CGNL1: variants seen among roughly 807,000 people sequenced by gnomAD.
The protein encoded by CGNL1 is cingulin like 1, also known as cingulin-like protein 1.
CGNL1 carries 132 observed loss-of-function variants against 141.2 expected under a neutral mutation model. The ratio of observed to expected loss-of-function variants is 0.93; its 90% CI spans 0.81 to 1.08. The LOEUF (loss-of-function observed/expected upper bound fraction) is 1.08, where lower values mean the gene tolerates loss of function less well. Ranked by LOEUF, CGNL1 falls within the 50% of genes least tolerant of loss-of-function variation. The pLI is 0.00. For missense variants in CGNL1, 1,870 were observed against 1,588.6 expected (o/e 1.18, Z -3.01); for synonymous variants, 690 against 622.1 (o/e 1.11, Z -1.63).
intron 4 of CGNL1, among the ~76,000 whole-genome samples, chr15:57,448,356 T>TA (rs201732295): frequency 8.0e-5 from 12 of 149,548 alleles, no homozygotes; most frequent in Non-Finnish European, 7.4e-5. Flanking sequence ...GGAACTTGAT[T>TA]AAAAAAAAAG....
At position 57,389,380 on chromosome 15, in the gene CGNL1, A is replaced by G. The variant is rs116168213; in HGVS notation, c.-16+12813A>G. Among the ~76,000 whole-genome samples, 663 of 152,382 alleles carry G rather than the reference A, an allele frequency of 4.4e-3. 1 individual carries two copies. Among genetic ancestry groups the G allele is most frequent in the African/African-American group, 0.015 (613 of 41,586 alleles). Reference sequence around the variant, plus strand: ...ATTTGTAGAAAAAGTAGATTCTGCTATCAACAAATGTAAGAGTTCACTTAA... The same window carrying G: ...ATTTGTAGAAAAAGTAGATTCTGCTGTCAACAAATGTAAGAGTTCACTTAA... On this transcript the variant is annotated intron_variant, in intron 1 of 18. Coordinates refer to ENST00000281282, the MANE Select transcript of CGNL1 (RefSeq NM_032866.5).
chr15:57,415,148 T>C (rs551222393), intron 1 of CGNL1, among the ~76,000 whole-genome samples: 1 of 152,282 alleles, frequency 6.6e-6, no homozygotes, highest in South Asian at 2.1e-4. Context: ...TTTAAGTCCT[T>C]TTTCTTTTCT....
At chr15:57,483,039 G>A (rs1327589691) in intron 8 of CGNL1, among the ~76,000 whole-genome samples, 2 of 152,228 alleles carry the variant, frequency 1.3e-5, no homozygotes, top group South Asian at 2.1e-4. Context: ...CGCCCACCGC[G>A]GCCTCCTAAA....
At chr15:57,536,308 G>A (rs919221649) in intron 14 of CGNL1, among the ~76,000 whole-genome samples, 2 of 152,292 alleles carry the variant, frequency 1.3e-5, no homozygotes, top group South Asian at 4.2e-4. Context: ...TGAGATTTGG[G>A]TGAGGACACA....
At chr15:57,455,942 A>G (rs1305908871) in intron 7 of CGNL1, among the ~76,000 whole-genome samples, 1 of 152,184 alleles carries the variant, frequency 6.6e-6, no homozygotes, top group Non-Finnish European at 1.5e-5. Flanking sequence ...TCTCTTTCCC[A>G]CAACAGGAAC....
intron 8 of CGNL1, among the ~76,000 whole-genome samples, chr15:57,483,952 C>A (rs1355204165): frequency 1.4e-4 from 22 of 152,142 alleles, no homozygotes; most frequent in Admixed American, 6.5e-5. Flanking sequence ...TTCACTTGAT[C>A]CTACTGTATA....
chr15:57,524,540 A>AGCATCCCAGGGTGGGCTCACACCCGT, intron 11 of CGNL1, 41 bp from the exon 12 acceptor site: 1 of 1,561,582 alleles, frequency 6.4e-7, no homozygotes, highest in Non-Finnish European at 8.7e-7. Context: ...CTGGTCTCAG[A>AGCATCCCAGGGTGGGCTCACACCCGT]GCATCCCAGG....
At chr15:57,422,721 T>G (rs2062929532) in intron 1 of CGNL1, among the ~76,000 whole-genome samples, 1 of 152,174 alleles carries the variant, frequency 6.6e-6, no homozygotes, top group South Asian at 2.1e-4. Flanking sequence ...TGTTGTGAGA[T>G]AGTAAGGCGA....
intron 8 of CGNL1, among the ~76,000 whole-genome samples, chr15:57,504,343 A>G (rs952623345): frequency 6.6e-6 from 1 of 152,220 alleles, no homozygotes; most frequent in African/African-American, 2.4e-5. Flanking sequence ...CGGCTGAGCC[A>G]GGATTTAAAC....
chr15:57,543,088 CAG>C (rs1178282047), intron 14 of CGNL1, among the ~76,000 whole-genome samples: 1 of 152,152 alleles, frequency 6.6e-6, no homozygotes, highest in Non-Finnish European at 1.5e-5. Flanking sequence ...AATCTGAAAT[CAG>C]AGTGTTACCA....
chr15:57,463,119 T>G (rs113665274), intron 8 of CGNL1, among the ~76,000 whole-genome samples: 5,388 of 152,212 alleles, frequency 0.035, 284 homozygotes, highest in African/African-American at 0.12. Context: ...AAACTTGACT[T>G]AATGTGGTGT....
At chr15:57,471,322 G>C (rs1368197086) in intron 8 of CGNL1, among the ~76,000 whole-genome samples, 1 of 152,206 alleles carries the variant, frequency 6.6e-6, no homozygotes, top group Non-Finnish European at 1.5e-5. Flanking sequence ...TCACAGTGCA[G>C]GAAGAACTGA....
chr15:57,442,181 T>TAAAAAAAAA (rs1567120591), intron 3 of CGNL1, among the ~76,000 whole-genome samples, 192 bp from the exon 4 acceptor site: 5 of 20,588 alleles, frequency 2.4e-4, no homozygotes, highest in South Asian at 1.4e-3. Context: ...ATCATTTATT[T>TAAAAAAAAA]GAAAAAAAAA....
chr15:57,461,514 G>A (rs1308479235), intron 7 of CGNL1, among the ~76,000 whole-genome samples, 166 bp from the exon 8 acceptor site: 1 of 152,184 alleles, frequency 6.6e-6, no homozygotes, highest in African/African-American at 2.4e-5. Flanking sequence ...GAAATGCAGG[G>A]GGAGAGGAAG....
Position 57,524,672 on chromosome 15 carries a change from CAG to C in CGNL1, c.2962_2963del (p.Glu988AsnfsTer25). 1 of 1,614,156 alleles carries C rather than the reference CAG, an allele frequency of 6.2e-7. No homozygotes were observed. The highest frequency in any genetic ancestry group is 8.5e-7 in the Non-Finnish European group (1 of 1,180,026). ...AAGGAGAAAAACCGCAGGGAGCTCGCAGAAATGCAAAGACAGTTGAAGGAGAA... is the reference window on the plus strand; with the variant it reads ...AAGGAGAAAAACCGCAGGGAGCTCGCAAATGCAAAGACAGTTGAAGGAGAA... On this transcript the variant is annotated frameshift_variant, in exon 12 of 19. Transcript: ENST00000281282. LOFTEE classifies it high-confidence loss of function.
intron 8 of CGNL1, among the ~76,000 whole-genome samples, chr15:57,503,562 C>T (rs528642049): frequency 3.9e-5 from 6 of 152,226 alleles, no homozygotes; most frequent in Admixed American, 2.0e-4. Flanking sequence ...TTCCAGGGCT[C>T]GCTCAGGGCA....
intron 12 of CGNL1, 22 bp from the exon 13 acceptor site, chr15:57,528,632 T>G: frequency 6.2e-7 from 1 of 1,613,036 alleles, no homozygotes; most frequent in Non-Finnish European, 8.5e-7. Context: ...CAGAAAACCA[T>G]CCCAGCTGTC....
chr15:57,467,376 T>A (rs185679251), intron 8 of CGNL1, among the ~76,000 whole-genome samples: 3 of 152,290 alleles, frequency 2.0e-5, no homozygotes, highest in Admixed American at 1.3e-4. Flanking sequence ...TGTTTGGGCA[T>A]GCGGGCTGAG....
intron 8 of CGNL1, among the ~76,000 whole-genome samples, chr15:57,464,772 T>A (rs1285540948): frequency 1.3e-5 from 2 of 149,824 alleles, no homozygotes; most frequent in African/African-American, 4.9e-5. Context: ...TTTTTTGAGA[T>A]GGAGTCTTGC....
Sources: gnomAD v4.1 joint callset for allele counts (sites outside exome capture counted in the v4.1 genomes callset) on GRCh38, gnomAD v4.1.1 for gene constraint, MANE v1.5 for transcripts, NCBI Gene and HGNC (gene_info 2026-07-23, HGNC 2026-07-21) for gene names.